Variants in BICDL1 observed in about 807,000 individuals in gnomAD.
BICDL1 encodes the protein BICD family-like cargo adapter 1.
Under a neutral mutation model 76.8 loss-of-function variants are expected in BICDL1, and 20 were observed. That is an observed-to-expected ratio of 0.26 (90% CI 0.18 to 0.38). BICDL1 has a LOEUF of 0.38. Ranked by LOEUF, BICDL1 falls within the 10% of genes least tolerant of loss-of-function variation. The pLI is 1.00. For missense variants in BICDL1, 700 were observed against 798.6 expected, an observed-to-expected ratio of 0.88 and a Z score of 1.49; for synonymous variants, 383 against 337.1, an observed-to-expected ratio of 1.14 and a Z score of -1.49.
At position 120,094,482 on chromosome 12, in the gene BICDL1, G is replaced by T; in HGVS notation, c.*1321G>T. The T allele has an allele frequency of 3.3e-6, 1 of 300,554 alleles. No individual in the cohort carries two copies. Among genetic ancestry groups the T allele is most frequent in the Non-Finnish European group, 6.7e-6 (1 of 148,252 alleles). The allele number at this position is 300,554 out of a possible 1,614,324, so 18.6% of individuals were successfully genotyped here. ...AAAATAGTCTGAATAAGAATAAAAT[G>T]AATTTCTACAGAGCTTCCTGCCTCA... On this transcript the variant is annotated 3_prime_UTR_variant, in exon 10 of 10. Transcript: ENST00000548673.
intron 2 of BICDL1, among the ~76,000 whole-genome samples, chr12:120,035,700 C>T (rs1952518355): frequency 6.6e-6 from 1 of 152,086 alleles, no homozygotes; most frequent in African/African-American, 2.4e-5. Context: ...AAAACATAAA[C>T]ATACATATTA....
chr12:120,006,171 C>T (rs1250362157), intron 2 of BICDL1, among the ~76,000 whole-genome samples: 5 of 152,076 alleles, frequency 3.3e-5, no homozygotes, highest in East Asian at 1.9e-4. Flanking sequence ...GGAGGATCCC[C>T]GTCATCATGG....
chr12:119,995,793 T>G (rs1193889100), intron 1 of BICDL1, among the ~76,000 whole-genome samples: 2 of 152,078 alleles, frequency 1.3e-5, no homozygotes, highest in Non-Finnish European at 2.9e-5. Context: ...GAGACCATCC[T>G]GGCTAACACA....
chr12:120,022,964 A>C (rs1253421067), intron 2 of BICDL1, among the ~76,000 whole-genome samples: 2 of 152,238 alleles, frequency 1.3e-5, no homozygotes, highest in Non-Finnish European at 2.9e-5. Context: ...TCAGAGACCA[A>C]TCAACATAAA....
chr12:120,075,271 A>G (rs1169622219), intron 7 of BICDL1, among the ~76,000 whole-genome samples: 2 of 152,108 alleles, frequency 1.3e-5, no homozygotes, highest in Non-Finnish European at 2.9e-5. Flanking sequence ...AGCAGCATCT[A>G]AACCTTGCTC....
At position 120,061,823 on chromosome 12, in the gene BICDL1, C is replaced by G. The variant is rs764088149; in HGVS notation, c.759C>G (p.Ala253=). The change falls in exon 3 of 10, where the codon GCC becomes GCG. Residue 253 remains alanine (A), a synonymous_variant. Transcript: ENST00000548673. Reference sequence around the variant, plus strand: ...TTATCCGGCTGGAGAGCCTTCAGGCCGAGGTGAGCCTCCCGACACAGCAGT... The same window carrying G: ...TTATCCGGCTGGAGAGCCTTCAGGCGGAGGTGAGCCTCCCGACACAGCAGT... ...QHIIRLESLQ[A]EIKMLSDRKR... 17 of 1,610,408 alleles carry G rather than the reference C, an allele frequency of 1.1e-5. No homozygotes were observed. Among genetic ancestry groups the G allele is most frequent in the African/African-American group, 2.7e-5 (2 of 74,806 alleles).
Position 120,047,400 on chromosome 12 carries a change from G to A in BICDL1, c.646-14310G>A, listed in dbSNP as rs867215094. ...AAGCTAACAAGTTCTGTGATCCTGG[G>A]CAGGAACCTTCATGCAAATTGTATC... On this transcript the variant is annotated intron_variant, in intron 2 of 9. Transcript: ENST00000548673. Among the ~76,000 whole-genome samples the A allele has an allele frequency of 8.5e-5, 13 of 152,268 alleles. No individual in the cohort carries two copies. In the South Asian group the frequency reaches 2.1e-3, roughly 24 times the overall value.
chr12:120,089,868 C>T (rs1332635957), intron 8 of BICDL1, 83 bp from the exon 9 acceptor site: 1 of 1,525,744 alleles, frequency 6.6e-7, no homozygotes, highest in African/African-American at 1.4e-5. Flanking sequence ...TTTCCTCATC[C>T]TGGGACTCCA....
At chr12:120,009,433 G>A (rs972411982) in intron 2 of BICDL1, among the ~76,000 whole-genome samples, 1 of 152,156 alleles carries the variant, frequency 6.6e-6, no homozygotes, top group African/African-American at 2.4e-5. Flanking sequence ...AAATTTTGGA[G>A]GTTTGAAGGC....
chr12:120,080,188 GTGGTCCC>G (rs1399363938), intron 7 of BICDL1, among the ~76,000 whole-genome samples: 1 of 152,238 alleles, frequency 6.6e-6, no homozygotes, highest in Non-Finnish European at 1.5e-5. Flanking sequence ...AGGGTAAGCT[GTGGTCCC>G]TGACGGAGCC....
At chr12:120,091,901 G>A in intron 9 of BICDL1, 1 of 985,226 alleles carries the variant, frequency 1.0e-6, no homozygotes, top group Non-Finnish European at 1.2e-6. Flanking sequence ...ATCTGCCCTG[G>A]CCACAGGGAG....
At chr12:120,011,627 T>TA (rs202086794) in intron 2 of BICDL1, among the ~76,000 whole-genome samples, 4,951 of 152,046 alleles carry the variant, frequency 0.033, 124 homozygotes, top group Non-Finnish European at 0.05. Flanking sequence ...ATCCCCAAAA[T>TA]AAAAAAAAGT....
intron 2 of BICDL1, among the ~76,000 whole-genome samples, chr12:120,033,311 T>A (rs1952461322): frequency 6.6e-6 from 1 of 151,374 alleles, no homozygotes; most frequent in African/African-American, 2.4e-5. Context: ...TTTTCCTTTT[T>A]TATGCCAATG....
rs141889276 is a variant in BICDL1 at position 120,006,824 on chromosome 12, A to G, written c.645+8088A>G. Among the ~76,000 whole-genome samples the G allele has an allele frequency of 8.0e-3, 1,218 of 152,224 alleles. 18 individuals carry two copies. The highest frequency in any genetic ancestry group is 0.027 in the African/African-American group (1,112 of 41,522). ...CAGGGGTTTTAGTCAGTGTGCTGGG[A>G]AGCCAGTGATATGTTTTTGGCAGGG... On this transcript the variant is annotated intron_variant, in intron 2 of 9. Coordinates refer to ENST00000548673, the MANE Select transcript of BICDL1 (RefSeq NM_001367886.1).
At position 120,080,695 on chromosome 12, in the gene BICDL1, G is replaced by A. The variant is rs938933009; in HGVS notation, c.1453-192G>A. On this transcript the variant is annotated intron_variant, in intron 7 of 9. Transcript: ENST00000548673. ...TCCCTTGCTGCCGAGCTCAAGCCTA[G>A]CATGTGATGTGGTACCCTTTCTTCA... is the stretch of plus-strand genomic sequence containing the variant. The A allele has an allele frequency of 5.5e-5, 27 of 492,028 alleles. No homozygotes were observed. In the Admixed American group the frequency reaches 8.9e-4, roughly 16 times the overall value. 30.5% of individuals were successfully genotyped at this position (492,028 alleles called of 1,614,324 possible).
At chr12:120,055,647 T>A (rs1418514078) in intron 2 of BICDL1, among the ~76,000 whole-genome samples, 2 of 152,222 alleles carry the variant, frequency 1.3e-5, no homozygotes, top group Non-Finnish European at 2.9e-5. Flanking sequence ...TTTTCAAATG[T>A]TTTTTGCTTC....
At chr12:120,031,820 A>C (rs1952429964) in intron 2 of BICDL1, among the ~76,000 whole-genome samples, 1 of 152,166 alleles carries the variant, frequency 6.6e-6, no homozygotes, top group Non-Finnish European at 1.5e-5. Context: ...GGCTGGGTGC[A>C]TTGGCTCACA....
chr12:120,075,555 A>G (rs1594203897), intron 7 of BICDL1, among the ~76,000 whole-genome samples: 1 of 152,054 alleles, frequency 6.6e-6, no homozygotes, highest in Admixed American at 6.5e-5. Flanking sequence ...ACCATGCCCA[A>G]CTAATTTTTT....
At chr12:120,008,087 C>A (rs927474231) in intron 2 of BICDL1, among the ~76,000 whole-genome samples, 18 of 149,582 alleles carry the variant, frequency 1.2e-4, no homozygotes, top group Non-Finnish European at 2.1e-4. Context: ...AAAGGACGTT[C>A]TCATATGTGA....
Sources: allele counts gnomAD v4.1 joint callset (sites outside exome capture counted in the v4.1 genomes callset), GRCh38; gene constraint gnomAD v4.1.1; transcripts MANE v1.5; gene names NCBI Gene and HGNC (gene_info 2026-07-23, HGNC 2026-07-21).